The following SLC35F3 variants were observed in gnomAD, a reference collection of about 807,000 sequenced individuals.
SLC35F3 encodes the protein solute carrier family 35 member F3, also known as putative thiamine transporter SLC35F3.
A neutral mutation model predicts 49.9 loss-of-function variants in SLC35F3; 25 were observed. The observed-to-expected ratio is 0.50, with a 90% confidence interval of 0.37 to 0.70. The LOEUF (loss-of-function observed/expected upper bound fraction) is 0.70, where lower values mean the gene tolerates loss of function less well. Among genes scored for constraint, SLC35F3 ranks in the 30% least tolerant of loss-of-function variants. The pLI is 0.00. For synonymous variants in SLC35F3, 275 were observed against 265.4 expected (o/e 1.04, Z -0.35); for missense variants, 525 against 639.8 (o/e 0.82, Z 1.94).
intron 2 of SLC35F3, among the ~76,000 whole-genome samples, chr1:234,127,299 A>G (rs1002783684): frequency 1.3e-5 from 2 of 152,210 alleles, no homozygotes; most frequent in African/African-American, 4.8e-5. Flanking sequence ...ATAACTCTTC[A>G]GGGCTTATGA....
chr1:234,118,497 T>C (rs1255109328), intron 2 of SLC35F3, among the ~76,000 whole-genome samples: 1 of 152,158 alleles, frequency 6.6e-6, no homozygotes, highest in Non-Finnish European at 1.5e-5. Context: ...GAATGGGTTT[T>C]ACAGTTTTAG....
At position 234,117,912 on chromosome 1, in the gene SLC35F3, ATG is replaced by A. The variant is rs370186911; in HGVS notation, c.284-113453_284-113452del. On this transcript the variant is annotated intron_variant, in intron 2 of 7. Coordinates refer to ENST00000366618, the MANE Select transcript of SLC35F3 (RefSeq NM_173508.4). ...AAAAAGAAAAAAAAAAAGACTATAT[ATG>A]TGTGTGTGTGTGTGTGTGTGTGTGT... Among the ~76,000 whole-genome samples the A allele has an allele frequency of 3.9e-4, 45 of 113,930 alleles. 1 individual carries two copies. The highest frequency in any genetic ancestry group is 6.9e-4 in the African/African-American group (23 of 33,454). The allele number at this position is 113,930 out of a possible 152,430, so 74.7% of individuals were successfully genotyped here.
rs1029466677 is a variant in SLC35F3 at position 234,285,099 on chromosome 1, A to G, written c.609-24002A>G. Reference sequence around the variant, plus strand: ...AGAGGAGCTTCAGCTGCATCAATGTAGAACTCAGTCTCCTTGGCAAACAAA... The same window carrying G: ...AGAGGAGCTTCAGCTGCATCAATGTGGAACTCAGTCTCCTTGGCAAACAAA... On this transcript the variant is annotated intron_variant, in intron 3 of 7. Coordinates refer to ENST00000366618, the MANE Select transcript of SLC35F3 (RefSeq NM_173508.4). 3 of 269,256 alleles carry G rather than the reference A, an allele frequency of 1.1e-5. No individual in the cohort carries two copies. In the Admixed American group the frequency reaches 1.4e-4, roughly 13 times the overall value. The allele number at this position is 269,256 out of a possible 1,614,324, so 16.7% of individuals were successfully genotyped here.
At chr1:234,139,840 C>G (rs1665864545) in intron 2 of SLC35F3, among the ~76,000 whole-genome samples, 1 of 151,404 alleles carries the variant, frequency 6.6e-6, no homozygotes, top group Non-Finnish European at 1.5e-5. Context: ...CCCAACTACT[C>G]AGGAGGCTGA....
intron 2 of SLC35F3, among the ~76,000 whole-genome samples, chr1:234,003,504 A>G (rs531863106): frequency 2.6e-5 from 4 of 152,326 alleles, no homozygotes; most frequent in Non-Finnish European, 5.9e-5. Context: ...AGCCAATTTA[A>G]CCAATAAGTT....
intron 2 of SLC35F3, among the ~76,000 whole-genome samples, chr1:233,967,428 T>C (rs1348354620): frequency 1.3e-5 from 2 of 152,240 alleles, no homozygotes; most frequent in African/African-American, 4.8e-5. Context: ...TGAACTATGA[T>C]GAATATAAAC....
rs369739447 is a variant in SLC35F3 at position 234,055,358 on chromosome 1, G to A, written c.283+149600G>A. On this transcript the variant is annotated intron_variant, in intron 2 of 7. Transcript: ENST00000366618. ...TACCTACTCAAGCCTCAGCAATGGC[G>A]GACACCCCTCTCCCAGACTTGCTGC... Among the ~76,000 whole-genome samples the A allele has an allele frequency of 1.3e-4, 20 of 152,224 alleles. No individual in the cohort carries two copies. The East Asian group carries it at 2.1e-3, about 16-fold the overall frequency.
intron 2 of SLC35F3, among the ~76,000 whole-genome samples, chr1:234,108,584 A>T (rs1480875455): frequency 3.3e-5 from 4 of 120,604 alleles, no homozygotes; most frequent in African/African-American, 1.3e-4. Flanking sequence ...TATATATATA[A>T]AAGATATACA....
chr1:234,029,191 T>C (rs140078094), intron 2 of SLC35F3, among the ~76,000 whole-genome samples: 14 of 152,216 alleles, frequency 9.2e-5, no homozygotes, highest in Admixed American at 3.3e-4. Context: ...GAGAAACAGA[T>C]AGGCAATAGA....
chr1:233,916,460 C>G (rs1229394237), intron 2 of SLC35F3, among the ~76,000 whole-genome samples: 3 of 152,092 alleles, frequency 2.0e-5, no homozygotes, highest in Non-Finnish European at 4.4e-5. Context: ...TTGTAGAGAC[C>G]AGGGCCTCAC....
At chr1:233,918,874 A>G (rs894481674) in intron 2 of SLC35F3, among the ~76,000 whole-genome samples, 1 of 151,422 alleles carries the variant, frequency 6.6e-6, no homozygotes. Context: ...CTTGTGCTTA[A>G]TAGTACTAGT....
At chr1:234,017,341 G>A (rs1663818135) in intron 2 of SLC35F3, among the ~76,000 whole-genome samples, 1 of 152,144 alleles carries the variant, frequency 6.6e-6, no homozygotes, top group African/African-American at 2.4e-5. Context: ...AAAAAGACAA[G>A]GTTAGGTTCC....
At position 233,957,837 on chromosome 1, in the gene SLC35F3, T is replaced by C. The variant is rs1662731916; in HGVS notation, c.283+52079T>C. On this transcript the variant is annotated intron_variant, in intron 2 of 7. Transcript: ENST00000366618. The surrounding 1 kb of genome is among the most constrained non-coding windows in gnomAD (Gnocchi z 4.0). ...TCTCAAAAAAAAAATACAATAATCATTTTATTATTGCTTGTGGTTTTATGA... is the reference window on the plus strand; with the variant it reads ...TCTCAAAAAAAAAATACAATAATCACTTTATTATTGCTTGTGGTTTTATGA... Among the ~76,000 whole-genome samples, 1 of 152,138 alleles carries C rather than the reference T, an allele frequency of 6.6e-6. No individual in the cohort carries two copies. The highest frequency in any genetic ancestry group is 6.5e-5 in the Admixed American group (1 of 15,270).
At chr1:233,917,316 A>G (rs1446763949) in intron 2 of SLC35F3, among the ~76,000 whole-genome samples, 1 of 152,200 alleles carries the variant, frequency 6.6e-6, no homozygotes, top group Non-Finnish European at 1.5e-5. Flanking sequence ...CACCATAAAC[A>G]GCTTCTTAGC....
chr1:234,100,822 A>G (rs1665203647), intron 2 of SLC35F3, among the ~76,000 whole-genome samples: 1 of 152,220 alleles, frequency 6.6e-6, no homozygotes, highest in Admixed American at 6.5e-5. Flanking sequence ...CACAGAGCAT[A>G]TTACTTCTGC....
At chr1:234,000,771 C>T (rs1330102724) in intron 2 of SLC35F3, among the ~76,000 whole-genome samples, 1 of 152,074 alleles carries the variant, frequency 6.6e-6, no homozygotes, top group Admixed American at 6.6e-5. Flanking sequence ...ACACAGCTAC[C>T]CCTTTGTCAG....
chr1:234,037,852 G>C (rs77978830), intron 2 of SLC35F3, among the ~76,000 whole-genome samples: 1 of 152,162 alleles, frequency 6.6e-6, no homozygotes, highest in Admixed American at 6.5e-5. Flanking sequence ...AAGCCCCTTT[G>C]CCTGGTAAGA....
chr1:233,927,218 CAT>C (rs1234036852), intron 2 of SLC35F3, among the ~76,000 whole-genome samples: 8 of 152,110 alleles, frequency 5.3e-5, no homozygotes, highest in East Asian at 3.8e-4. Context: ...AACAAACAAT[CAT>C]GTGTAGATTT....
At chr1:234,282,968 A>G (rs913446337) in intron 3 of SLC35F3, among the ~76,000 whole-genome samples, 1 of 152,238 alleles carries the variant, frequency 6.6e-6, no homozygotes, top group African/African-American at 2.4e-5. Flanking sequence ...AACCTGGAGA[A>G]CTAGATTACT....
Sources: allele counts gnomAD v4.1 joint callset (sites outside exome capture counted in the v4.1 genomes callset), GRCh38; gene constraint gnomAD v4.1.1; non-coding constraint Gnocchi (gnomAD v3.1); transcripts MANE v1.5; gene names NCBI Gene and HGNC (gene_info 2026-07-23, HGNC 2026-07-21).